The following PCGF5 variants were observed in gnomAD, a reference collection of about 807,000 sequenced individuals.
The protein encoded by PCGF5 is polycomb group ring finger 5, also known as polycomb group RING finger protein 5.
Under a neutral mutation model 44.3 loss-of-function variants are expected in PCGF5, and 9 were observed. That is an observed-to-expected ratio of 0.20 (90% CI 0.12 to 0.35). The LOEUF is 0.35. Ranked by LOEUF, PCGF5 falls within the 10% of genes least tolerant of loss-of-function variation. The pLI is 1.00. For missense variants in PCGF5, 146 were observed against 305.3 expected (o/e 0.48, Z 3.89); for synonymous variants, 95 against 102.5 (o/e 0.93, Z 0.44).
At chr10:91,179,396 A>C (rs941030101) in intron 1 of PCGF5, among the ~76,000 whole-genome samples, 1 of 152,206 alleles carries the variant, frequency 6.6e-6, no homozygotes, top group Non-Finnish European at 1.5e-5. Flanking sequence ...AGTTTGTTAC[A>C]TCAGTAAACT....
At chr10:91,164,864 A>T (rs1447661699) in intron 1 of PCGF5, among the ~76,000 whole-genome samples, 1 of 152,188 alleles carries the variant, frequency 6.6e-6, no homozygotes, top group Non-Finnish European at 1.5e-5. Context: ...CTTAATCGCT[A>T]TCTGATCTTA....
upstream of PCGF5, among the ~76,000 whole-genome samples, chr10:91,158,071 G>C (rs998388120): frequency 1.3e-5 from 2 of 152,134 alleles, no homozygotes; most frequent in African/African-American, 4.8e-5. Context: ...AAATGACTTA[G>C]GCAGGATTAA....
chr10:91,247,234 C>G (rs1158842761), intron 3 of PCGF5, among the ~76,000 whole-genome samples: 1 of 151,452 alleles, frequency 6.6e-6, no homozygotes, highest in African/African-American at 2.4e-5. Flanking sequence ...TGTTAGACAA[C>G]ACTGTCAAAC....
chr10:91,224,427 T>A (rs1318604023), intron 2 of PCGF5, among the ~76,000 whole-genome samples: 1 of 152,142 alleles, frequency 6.6e-6, no homozygotes, highest in East Asian at 1.9e-4. Context: ...GGGCATGAGA[T>A]AATAAAGAAG....
chr10:91,264,650 A>G (rs1330006936), intron 8 of PCGF5, 130 bp downstream of exon 8: 6 of 654,642 alleles, frequency 9.2e-6, no homozygotes, highest in Non-Finnish European at 1.5e-5. Context: ...TTTTCTTGCT[A>G]CTGTTTCTCC....
Position 91,278,326 on chromosome 10 carries a change from C to T in PCGF5, c.*10C>T. 6.2e-7 allele frequency: 1 copy of T among 1,606,594 alleles called. No homozygotes were observed. The highest frequency in any genetic ancestry group is 2.2e-5 in the East Asian group (1 of 44,828). On this transcript the variant is annotated 3_prime_UTR_variant, in exon 10 of 10. Transcript: ENST00000336126. ...AATTGATTTCGGTTAGACCAAGGGGCCCAGACCTCACTGAGATGAATCCTG... is the reference window on the plus strand; with the variant it reads ...AATTGATTTCGGTTAGACCAAGGGGTCCAGACCTCACTGAGATGAATCCTG...
intron 1 of PCGF5, among the ~76,000 whole-genome samples, chr10:91,167,151 T>C (rs1185469864): frequency 7.2e-6 from 1 of 139,526 alleles, no homozygotes; most frequent in African/African-American, 3.3e-5. Flanking sequence ...TAAGAGTTTG[T>C]CTAAATTAAC....
intron 1 of PCGF5, among the ~76,000 whole-genome samples, chr10:91,184,738 A>G (rs1248689168): frequency 6.7e-6 from 1 of 148,318 alleles, no homozygotes; most frequent in African/African-American, 2.5e-5. Context: ...TTTTTTTCCT[A>G]TTTTTAAAAT....
In PCGF5 at chr10:91,247,969, AATCTGCTGTGCTG is replaced by A. The variant is rs1845511247; in HGVS notation, c.210-531_210-519del. 1.3e-5 allele frequency among the ~76,000 whole-genome samples: 2 copies of A among 152,100 alleles called. 1 individual carries two copies. The highest frequency in any genetic ancestry group is 2.9e-5 in the Non-Finnish European group (2 of 68,000). On this transcript the variant is annotated intron_variant, in intron 3 of 9. Transcript: ENST00000336126. ...AACTGCAGTTAGCTGTGCATTGGGT[AATCTGCTGTGCTG>A]ATCTTGGGGGATGGGCTGTCTGTGG... is the stretch of plus-strand genomic sequence containing the variant.
intron 1 of PCGF5, among the ~76,000 whole-genome samples, chr10:91,211,232 G>C (rs1169201148): frequency 6.6e-6 from 1 of 152,158 alleles, no homozygotes; most frequent in African/African-American, 2.4e-5. Flanking sequence ...ATACTGACTT[G>C]GCTATATCCA....
intron 2 of PCGF5, among the ~76,000 whole-genome samples, chr10:91,231,632 G>A (rs1845006431): frequency 6.6e-6 from 1 of 152,228 alleles, no homozygotes; most frequent in Non-Finnish European, 1.5e-5. Context: ...CCGCAGGCAC[G>A]TGGCGCAGTT....
At chr10:91,187,447 A>G (rs1263559978) in intron 1 of PCGF5, among the ~76,000 whole-genome samples, 1 of 152,126 alleles carries the variant, frequency 6.6e-6, no homozygotes, top group African/African-American at 2.4e-5. Context: ...CCTCTTCACT[A>G]CTAGATTCCC....
chr10:91,258,810 A>C (rs1342622311), intron 6 of PCGF5, among the ~76,000 whole-genome samples: 1 of 152,090 alleles, frequency 6.6e-6, no homozygotes, highest in Non-Finnish European at 1.5e-5. Context: ...TATCATCTGT[A>C]TTGTGACCAG....
intron 1 of PCGF5, among the ~76,000 whole-genome samples, chr10:91,194,861 A>G (rs1297562464): frequency 2.0e-5 from 3 of 152,228 alleles, no homozygotes; most frequent in Non-Finnish European, 4.4e-5. Context: ...TGTCCCTCAG[A>G]GACCAAAAGT....
chr10:91,219,463 G>T (rs1844611151), upstream of PCGF5, among the ~76,000 whole-genome samples: 1 of 152,130 alleles, frequency 6.6e-6, no homozygotes, highest in African/African-American at 2.4e-5. Context: ...GAAGTAGTGT[G>T]ATTTTTCACA....
At chr10:91,228,530 T>G (rs1018803438) in intron 2 of PCGF5, among the ~76,000 whole-genome samples, 13 of 152,220 alleles carry the variant, frequency 8.5e-5, no homozygotes, top group Non-Finnish European at 1.6e-4. Context: ...ACTAATTTTT[T>G]AACTTCTACA....
intron 6 of PCGF5, among the ~76,000 whole-genome samples, chr10:91,256,799 A>G (rs985015346): frequency 1.3e-5 from 2 of 152,074 alleles, no homozygotes; most frequent in Non-Finnish European, 2.9e-5. Flanking sequence ...AGAGTGCTCA[A>G]AGAAAGAAAA....
intron 1 of PCGF5, among the ~76,000 whole-genome samples, chr10:91,195,524 A>G (rs998699423): frequency 1.3e-5 from 2 of 150,876 alleles, no homozygotes; most frequent in African/African-American, 4.9e-5. Context: ...GGTCTCTGTC[A>G]CTCAGACGGG....
chr10:91,170,677 C>T (rs1337378738), intron 1 of PCGF5, among the ~76,000 whole-genome samples: 1 of 152,214 alleles, frequency 6.6e-6, no homozygotes, highest in Non-Finnish European at 1.5e-5. Flanking sequence ...TCAAACAGTA[C>T]AGCTACTTTG....
Sources: gnomAD v4.1 joint callset for allele counts (sites outside exome capture counted in the v4.1 genomes callset) on GRCh38, gnomAD v4.1.1 for gene constraint, MANE v1.5 for transcripts, NCBI Gene and HGNC (gene_info 2026-07-23, HGNC 2026-07-21) for gene names.